Variants in SCN10A observed in about 807,000 individuals in gnomAD.
SCN10A encodes the protein sodium voltage-gated channel alpha subunit 10.
In SCN10A, 162 loss-of-function variants were observed where a neutral mutation model predicts 170.7. The ratio of observed to expected loss-of-function variants is 0.95; its 90% CI spans 0.84 to 1.08. SCN10A has a LOEUF of 1.08. Ranked by LOEUF, SCN10A falls within the 50% of genes least tolerant of loss-of-function variation. The pLI, the probability that SCN10A is intolerant of heterozygous loss-of-function variation, is 0.00. For synonymous variants in SCN10A, 985 were observed against 904.6 expected, an observed-to-expected ratio of 1.09 and a Z score of -1.59; for missense variants, 2,527 against 2,436.9, an observed-to-expected ratio of 1.04 and a Z score of -0.78.
intron 1 of SCN10A, among the ~76,000 whole-genome samples, chr3:38,813,318 T>C (rs1270219785): frequency 6.6e-6 from 1 of 152,184 alleles, no homozygotes. Context: ...CCTCACATTG[T>C]GGGCAGGGGA....
In SCN10A at chr3:38,697,500, T is replaced by C; in HGVS notation, c.5720A>G (p.Asp1907Gly). ...FTANENCVLP[D>G]KSETASATSF... ...TGTGGCAGAAGCAGTTTCAGATTTG[T>C]CTGGGAGTACACAATTTTCATTTGC... The change falls in exon 28 of 28, where the codon GAC becomes GGC. Residue 1907 changes from aspartate to glycine, a missense_variant. By Grantham distance (94) the Asp-to-Gly change is moderately conservative. Coordinates refer to ENST00000449082, the MANE Select transcript of SCN10A (RefSeq NM_006514.4). 1 of 1,614,174 alleles carries C rather than the reference T, an allele frequency of 6.2e-7. No individual in the cohort carries two copies. The highest frequency in any genetic ancestry group is 8.5e-7 in the Non-Finnish European group (1 of 1,180,016).
Position 38,728,904 on chromosome 3 carries a change from G to T in SCN10A, c.2281-3C>A. On this transcript the variant is annotated splice_polypyrimidine_tract_variant and splice_region_variant and intron_variant, in intron 15 of 27. Coordinates refer to ENST00000449082, the MANE Select transcript of SCN10A (RefSeq NM_006514.4). ...TTGGCCAGCTTGAATACGCGCAGCT[G>T]CAGAGAAACAGAGACCGTCAGGTTT... 1 of 1,600,424 alleles carries T rather than the reference G, an allele frequency of 6.2e-7. No homozygotes were observed. The highest frequency in any genetic ancestry group is 8.5e-7 in the Non-Finnish European group (1 of 1,170,364).
At chr3:38,804,221 C>A in intron 1 of SCN10A, among the ~76,000 whole-genome samples, 1 of 152,184 alleles carries the variant, frequency 6.6e-6, no homozygotes, top group Non-Finnish European at 1.5e-5. Context: ...AATATTGCCT[C>A]TGTTTTTCAA....
chr3:38,770,232 T>C (rs1575165918), intron 5 of SCN10A, among the ~76,000 whole-genome samples: 1 of 152,290 alleles, frequency 6.6e-6, no homozygotes, highest in East Asian at 1.9e-4. Flanking sequence ...AGTGCATTAG[T>C]AGAAGGGGGA....
intron 1 of SCN10A, among the ~76,000 whole-genome samples, chr3:38,802,499 C>T (rs1046784085): frequency 7.9e-5 from 12 of 152,088 alleles, no homozygotes; most frequent in Non-Finnish European, 1.5e-5. Context: ...CTTCATTATT[C>T]TAGTAACTTA....
In SCN10A at chr3:38,773,357, G is replaced by A. The variant is rs138290893; in HGVS notation, c.471-1950C>T. On this transcript the variant is annotated intron_variant, in intron 4 of 27. Transcript: ENST00000449082. ...CCATTCAAACAAGAAACATATATGC[G>A]ATCCAGGGAAGAGGCAAAAGGAATC... Among the ~76,000 whole-genome samples the A allele has an allele frequency of 1.9e-3, 285 of 152,148 alleles. 6 individuals are homozygous for A. Among genetic ancestry groups the A allele is most frequent in the Admixed American group, 0.015 (233 of 15,290 alleles).
intron 5 of SCN10A, 135 bp downstream of exon 5, chr3:38,771,144 G>T: frequency 2.2e-6 from 2 of 913,828 alleles, no homozygotes; most frequent in Non-Finnish European, 1.7e-6. Flanking sequence ...TCCTGCAGTG[G>T]TTCTTGGAGC....
chr3:38,793,643 C>T, intron 2 of SCN10A, 98 bp downstream of exon 2: 2 of 1,232,726 alleles, frequency 1.6e-6, no homozygotes, highest in Non-Finnish European at 1.1e-6. Context: ...TAGCAGACTG[C>T]CACATCACCC....
At chr3:38,719,749 T>C (rs1009411835) in intron 20 of SCN10A, among the ~76,000 whole-genome samples, 3 of 152,164 alleles carry the variant, frequency 2.0e-5, no homozygotes, top group Admixed American at 6.5e-5. Context: ...TGAAGCCAAA[T>C]TGGCAATGTG....
rs374066106 is a variant in SCN10A at position 38,761,462 on chromosome 3, C to T, written c.692-79G>A. On this transcript the variant is annotated intron_variant, in intron 6 of 27. Transcript: ENST00000449082. Reference sequence around the variant, plus strand: ...CACACTTCTTCATCTTAGCCATCCTCCTTCATCTCTACATACAGGAGTGAA... The same window carrying T: ...CACACTTCTTCATCTTAGCCATCCTTCTTCATCTCTACATACAGGAGTGAA... 631 of 1,273,212 alleles carry T rather than the reference C, an allele frequency of 5.0e-4. 10 individuals carry two copies. In the South Asian group the frequency reaches 8.8e-3, roughly 18 times the overall value. The allele number at this position is 1,273,212 out of a possible 1,614,324, so 78.9% of individuals were successfully genotyped here.
intron 8 of SCN10A, among the ~76,000 whole-genome samples, chr3:38,758,336 G>A (rs1274500934): frequency 6.6e-6 from 1 of 152,158 alleles, no homozygotes; most frequent in African/African-American, 2.4e-5. Context: ...AACTCTGAGG[G>A]CAGCCTTGTT....
intron 1 of SCN10A, among the ~76,000 whole-genome samples, chr3:38,800,859 T>C (rs1054452177): frequency 5.9e-5 from 9 of 152,182 alleles, no homozygotes; most frequent in Admixed American, 1.3e-4. Context: ...TCATAGGCTA[T>C]AGTAGCACCT....
rs778416357 is a variant in SCN10A at position 38,726,771 on chromosome 3, G to C, written c.2922C>G (p.Leu974=). 6.8e-6 allele frequency: 11 copies of C among 1,610,412 alleles called. No homozygotes were observed. Among genetic ancestry groups the C allele is most frequent in the Non-Finnish European group, 9.3e-6 (11 of 1,176,990 alleles). The stretch of plus-strand genomic sequence containing the variant: ...CATCCCTGGGGCCTCTGGGAGCTTG[G>C]AGCCCTCCAGAGCTCCCCCTGGCAG... ...ANTARGSSGG[L]QAPRGPRDEH... is the part of the protein sequence containing the mutation. The change falls in exon 17 of 28, where the codon CTC becomes CTG. Residue 974 remains leucine (L), a synonymous_variant. Coordinates refer to ENST00000449082, the MANE Select transcript of SCN10A (RefSeq NM_006514.4).
chr3:38,805,350 T>C (rs543915842), intron 1 of SCN10A, among the ~76,000 whole-genome samples: 31 of 152,036 alleles, frequency 2.0e-4, no homozygotes, highest in African/African-American at 6.5e-4. Context: ...TGTGATTAGG[T>C]TCTCTAATAC....
rs374060366 is a variant in SCN10A, at chr3:38,750,083, G to T, written c.1857C>A (p.Ser619=). The T allele has an allele frequency of 9.4e-6, 15 of 1,592,920 alleles. No homozygotes were observed. Among genetic ancestry groups the T allele is most frequent in the Admixed American group, 1.7e-5 (1 of 59,850 alleles). ...GTGAGCAGCACTTACCCTCAAGGACGGAGGTTATGATACTGACAACACTCA... is the reference window on the plus strand; with the variant it reads ...GTGAGCAGCACTTACCCTCAAGGACTGAGGTTATGATACTGACAACACTCA... ...RAMSVVSIIT[S]VLEELEESEQ... Residue 619 remains serine, a synonymous_variant, in exon 13 of 28, where the codon TCC becomes TCA. Transcript: ENST00000449082.
Position 38,718,845 on chromosome 3 carries a change from G to A in SCN10A, c.3508-19C>T. ...CAAAGGCCTGGAAGGAAGAAAGGAT[G>A]CAGAATGGCAGGCTGCCTGGACCCA... is the stretch of plus-strand genomic sequence containing the variant. On this transcript the variant is annotated intron_variant, in intron 20 of 27. Transcript: ENST00000449082. The A allele has an allele frequency of 6.2e-7, 1 of 1,611,962 alleles. No homozygotes were observed. Among genetic ancestry groups the A allele is most frequent in the Non-Finnish European group, 8.5e-7 (1 of 1,178,808 alleles).
At chr3:38,726,362 A>C (rs1430268117) in intron 17 of SCN10A, among the ~76,000 whole-genome samples, 1 of 152,144 alleles carries the variant, frequency 6.6e-6, no homozygotes, top group African/African-American at 2.4e-5. Context: ...TGTGAAAGAC[A>C]ATCCCCAAGC....
intron 26 of SCN10A, among the ~76,000 whole-genome samples, chr3:38,706,274 G>A (rs1022923544): frequency 5.3e-5 from 8 of 152,148 alleles, no homozygotes; most frequent in African/African-American, 1.7e-4. Flanking sequence ...CTAATAGCTT[G>A]GCTAACAGAA....
chr3:38,804,054 A>G (rs1220162334), intron 1 of SCN10A, among the ~76,000 whole-genome samples: 1 of 152,094 alleles, frequency 6.6e-6, no homozygotes, highest in Non-Finnish European at 1.5e-5. Context: ...CTTGAAGCCT[A>G]TAGTTTCTGT....
Sources: gnomAD v4.1 joint callset for allele counts (sites outside exome capture counted in the v4.1 genomes callset) on GRCh38, gnomAD v4.1.1 for gene constraint, MANE v1.5 for transcripts, NCBI Gene and HGNC (gene_info 2026-07-23, HGNC 2026-07-21) for gene names.